The following WWOX variants were observed in gnomAD, a reference collection of about 807,000 sequenced individuals.
The protein encoded by WWOX is WW domain containing oxidoreductase.
Under a neutral mutation model 46.2 loss-of-function variants are expected in WWOX, and 69 were observed. The ratio of observed to expected loss-of-function variants is 1.49; its 90% confidence interval spans 1.23 to 1.82. WWOX has a LOEUF of 1.82. Ranked by LOEUF, WWOX falls within the 40% of genes most tolerant of loss-of-function variation. The pLI, the probability that WWOX is intolerant of heterozygous loss-of-function variation, is 0.00. For missense variants in WWOX, 919 were observed against 542.6 expected, an observed-to-expected ratio of 1.69 and a Z score of -6.89; for synonymous variants, 359 against 202.6, an observed-to-expected ratio of 1.77 and a Z score of -6.56.
At chr16:78,759,007 G>T (rs1301103645) in intron 8 of WWOX, among the ~76,000 whole-genome samples, 1 of 150,582 alleles carries the variant, frequency 6.6e-6, no homozygotes, top group African/African-American at 2.4e-5. Flanking sequence ...TTAATTCGAA[G>T]CTCCTGATGT....
intron 8 of WWOX, among the ~76,000 whole-genome samples, chr16:78,704,868 C>T (rs780239658): frequency 5.9e-5 from 9 of 151,864 alleles, no homozygotes; most frequent in Admixed American, 5.9e-4. Context: ...TGTGGGCCAC[C>T]CCAACTCTTT....
At chr16:78,914,843 C>T (rs1228701029) in intron 8 of WWOX, among the ~76,000 whole-genome samples, 1 of 143,902 alleles carries the variant, frequency 6.9e-6, no homozygotes, top group Non-Finnish European at 1.5e-5. Context: ...CGCGCCACTG[C>T]ACTCCCGCCC....
At chr16:79,051,975 C>T (rs1361221296) in intron 8 of WWOX, among the ~76,000 whole-genome samples, 3 of 152,184 alleles carry the variant, frequency 2.0e-5, no homozygotes, top group African/African-American at 7.2e-5. Flanking sequence ...CAGCATTCCA[C>T]AAGTTACTTC....
intron 8 of WWOX, among the ~76,000 whole-genome samples, chr16:79,051,304 C>G (rs11648352): frequency 0.021 from 3,258 of 152,254 alleles, 50 homozygotes; most frequent in Non-Finnish European, 0.035. Context: ...CTACTAAAAC[C>G]TAAGTGTGCA....
intron 8 of WWOX, among the ~76,000 whole-genome samples, chr16:78,522,955 C>G (rs1316124259): frequency 2.6e-5 from 4 of 152,126 alleles, no homozygotes; most frequent in Non-Finnish European, 4.4e-5. Flanking sequence ...GCCTGTAATC[C>G]CAGCTACCTG....
intron 1 of WWOX, among the ~76,000 whole-genome samples, chr16:78,105,216 C>G (rs974416445): frequency 4.6e-5 from 7 of 152,194 alleles, no homozygotes; most frequent in African/African-American, 1.7e-4. Context: ...AATCCCAGCA[C>G]TTTGGGAGGC....
chr16:79,067,167 G>C (rs1189997929), intron 8 of WWOX, among the ~76,000 whole-genome samples: 1 of 152,206 alleles, frequency 6.6e-6, no homozygotes, highest in Non-Finnish European at 1.5e-5. Flanking sequence ...CATAGGGCCG[G>C]CCATCCCCTT....
chr16:78,854,045 A>G (rs1433154379), intron 8 of WWOX, among the ~76,000 whole-genome samples: 5 of 152,188 alleles, frequency 3.3e-5, no homozygotes, highest in African/African-American at 4.8e-5. Flanking sequence ...GAAGATAACC[A>G]CTACTATCAT....
chr16:78,353,595 C>T (rs1192951751), intron 5 of WWOX, among the ~76,000 whole-genome samples: 1 of 152,182 alleles, frequency 6.6e-6, no homozygotes, highest in Non-Finnish European at 1.5e-5. Context: ...AAGGAATTTA[C>T]CAATATGCAA....
At chr16:78,868,171 G>C (rs1218265824) in intron 8 of WWOX, among the ~76,000 whole-genome samples, 1 of 152,088 alleles carries the variant, frequency 6.6e-6, no homozygotes, top group Non-Finnish European at 1.5e-5. Flanking sequence ...GTAGTCTATC[G>C]ACACAATGGA....
chr16:78,817,677 G>A (rs1014905665), intron 8 of WWOX, among the ~76,000 whole-genome samples: 10 of 152,136 alleles, frequency 6.6e-5, no homozygotes, highest in Admixed American at 2.6e-4. Flanking sequence ...GAGTCTTTGT[G>A]TGGTGGCAAA....
chr16:78,889,406 C>T (rs975827077), intron 8 of WWOX, among the ~76,000 whole-genome samples: 8 of 134,874 alleles, frequency 5.9e-5, no homozygotes, highest in African/African-American at 8.4e-5. Context: ...AAACTGGGTC[C>T]CCCATCTAAG....
At chr16:78,166,012 G>A (rs1015971984) in intron 5 of WWOX, among the ~76,000 whole-genome samples, 2 of 151,782 alleles carry the variant, frequency 1.3e-5, no homozygotes, top group African/African-American at 2.4e-5. Flanking sequence ...ATGGGAATAC[G>A]TGCATCTTAT....
chr16:78,941,433 C>T (rs890047260), intron 8 of WWOX, among the ~76,000 whole-genome samples: 3 of 151,630 alleles, frequency 2.0e-5, no homozygotes, highest in Admixed American at 1.3e-4. Flanking sequence ...TCCTCGTAAG[C>T]GCATCATTAC....
chr16:78,654,192 A>C (rs1286761182), intron 8 of WWOX, among the ~76,000 whole-genome samples: 1 of 152,032 alleles, frequency 6.6e-6, no homozygotes, highest in Non-Finnish European at 1.5e-5. Flanking sequence ...TCGGCTCTTC[A>C]CCTGGGTGGG....
At chr16:78,236,277 A>G (rs2037434793) in intron 5 of WWOX, among the ~76,000 whole-genome samples, 1 of 152,252 alleles carries the variant, frequency 6.6e-6, no homozygotes, top group Non-Finnish European at 1.5e-5. Flanking sequence ...AAAGCTGAGA[A>G]TAAAGTCTCA....
At chr16:78,741,585 T>G (rs1178086050) in intron 8 of WWOX, among the ~76,000 whole-genome samples, 1 of 151,950 alleles carries the variant, frequency 6.6e-6, no homozygotes, top group African/African-American at 2.4e-5. Context: ...CTGGGCACAG[T>G]GGCTCATGCC....
intron 8 of WWOX, among the ~76,000 whole-genome samples, chr16:78,776,609 C>CTCCA (rs2050195988): frequency 6.6e-6 from 1 of 152,110 alleles, no homozygotes; most frequent in African/African-American, 2.4e-5. Flanking sequence ...GTTTAGCTCA[C>CTCCA]TTTATTAGTC....
intron 5 of WWOX, among the ~76,000 whole-genome samples, chr16:78,197,424 C>G (rs961083998): frequency 1.3e-5 from 2 of 152,222 alleles, no homozygotes. Flanking sequence ...CAGCTAATTA[C>G]CTACTGAGCT....
Sources: gnomAD v4.1 joint callset for allele counts (sites outside exome capture counted in the v4.1 genomes callset) on GRCh38, gnomAD v4.1.1 for gene constraint, MANE v1.5 for transcripts, NCBI Gene and HGNC (gene_info 2026-07-23, HGNC 2026-07-21) for gene names.